SIPA1L3: variants seen among roughly 807,000 people sequenced by gnomAD.
SIPA1L3 encodes signal-induced proliferation-associated 1-like protein 3.
Under a neutral mutation model 150.1 loss-of-function variants are expected in SIPA1L3, and 59 were observed. The observed-to-expected ratio is 0.39, with a 90% CI of 0.32 to 0.49. SIPA1L3 has a LOEUF of 0.49. Among genes scored for constraint, SIPA1L3 ranks in the 20% least tolerant of loss-of-function variants. The pLI, the probability that SIPA1L3 is intolerant of heterozygous loss-of-function variation, is 0.86. For synonymous variants in SIPA1L3, 1,070 were observed against 1,077.6 expected (o/e 0.99, Z 0.14); for missense variants, 2,211 against 2,489.5 (o/e 0.89, Z 2.38).
intron 16 of SIPA1L3, chr19:38,185,831 C>CT (rs1972664778): frequency 6.6e-6 from 1 of 152,192 alleles, no homozygotes; most frequent in South Asian, 2.1e-4. Flanking sequence ...TGTAAAGACT[C>CT]TGTCTCCAAA....
At chr19:37,988,914 C>T (rs919445155) in intron 1 of SIPA1L3, among the ~76,000 whole-genome samples, 2 of 152,150 alleles carry the variant, frequency 1.3e-5, no homozygotes, top group African/African-American at 4.8e-5. Context: ...TCTGGCTGCT[C>T]CTGCGAAGCT....
intron 9 of SIPA1L3, among the ~76,000 whole-genome samples, chr19:38,121,157 T>TACAGTGAG (rs1299953778): frequency 6.6e-6 from 1 of 151,506 alleles, no homozygotes; most frequent in African/African-American, 2.4e-5. Context: ...GCCTGGGCAA[T>TACAGTGAG]ACAGTGAGAT....
intron 1 of SIPA1L3, among the ~76,000 whole-genome samples, chr19:38,018,642 TTTG>T (rs1241253457): frequency 6.6e-6 from 1 of 152,230 alleles, no homozygotes; most frequent in Non-Finnish European, 1.5e-5. Context: ...GGTACCACAT[TTTG>T]TTAATTCTTC....
At chr19:37,982,535 C>G (rs1967227742) in intron 1 of SIPA1L3, among the ~76,000 whole-genome samples, 2 of 152,150 alleles carry the variant, frequency 1.3e-5, no homozygotes, top group Admixed American at 1.3e-4. Flanking sequence ...AGTGTTAGGT[C>G]CATTACAGAC....
At position 38,204,148 on chromosome 19, in the gene SIPA1L3, G is replaced by C. The variant is rs770462202; in HGVS notation, c.5142G>C (p.Leu1714=). ...PTMSEEPPLD[L]TGKVYQLEVM... ...CCAGCGAGGAGCCACCCCTGGATCTGACAGGCAAGGTGTACCAGCTGGAGG... is the reference window on the plus strand; with the variant it reads ...CCAGCGAGGAGCCACCCCTGGATCTCACAGGCAAGGTGTACCAGCTGGAGG... The change falls in exon 21 of 22, where the codon CTG becomes CTC. Residue 1714 remains leucine, a synonymous_variant. Transcript: ENST00000222345. 1 of 1,559,864 alleles carries C rather than the reference G, an allele frequency of 6.4e-7. No homozygotes were observed. Among genetic ancestry groups the C allele is most frequent in the Non-Finnish European group, 8.7e-7 (1 of 1,151,000 alleles).
intron 10 of SIPA1L3, among the ~76,000 whole-genome samples, chr19:38,134,632 A>G (rs150270050): frequency 3.0e-3 from 450 of 148,650 alleles, no homozygotes; most frequent in African/African-American, 0.011. Context: ...ACTTGAACCC[A>G]GGAGGCAGAG....
intron 13 of SIPA1L3, among the ~76,000 whole-genome samples, chr19:38,155,931 A>G (rs1971939950): frequency 6.6e-6 from 1 of 152,114 alleles, no homozygotes; most frequent in South Asian, 2.1e-4. Context: ...AAATACAAAA[A>G]TTAACCAGGC....
chr19:37,927,432 G>A (rs1422571717), intron 1 of SIPA1L3, among the ~76,000 whole-genome samples: 2 of 152,120 alleles, frequency 1.3e-5, no homozygotes, highest in Non-Finnish European at 2.9e-5. Flanking sequence ...GATTACAGGC[G>A]TGAGCCACTG....
chr19:37,975,332 C>T (rs759363645), intron 1 of SIPA1L3, among the ~76,000 whole-genome samples: 1 of 152,042 alleles, frequency 6.6e-6, no homozygotes, highest in African/African-American at 2.4e-5. Flanking sequence ...CCGTGTAGGC[C>T]GAGCCTAGAG....
At chr19:37,959,817 CTT>C (rs34291572) in intron 1 of SIPA1L3, among the ~76,000 whole-genome samples, 24 of 128,780 alleles carry the variant, frequency 1.9e-4, no homozygotes, top group Admixed American at 4.7e-4. Flanking sequence ...AAAAAACTTT[CTT>C]TTTTTTTTTT....
chr19:38,000,766 GA>G (rs560812482), intron 1 of SIPA1L3, among the ~76,000 whole-genome samples: 1 of 147,532 alleles, frequency 6.8e-6, no homozygotes, highest in Non-Finnish European at 1.5e-5. Flanking sequence ...TACATGCTGG[GA>G]AAAAAAAGAC....
At chr19:38,083,668 C>T (rs982546055) in intron 3 of SIPA1L3, among the ~76,000 whole-genome samples, 11 of 152,164 alleles carry the variant, frequency 7.2e-5, no homozygotes, top group African/African-American at 2.4e-4. Flanking sequence ...ATTGCAGACA[C>T]TGTTCCCAGA....
chr19:37,936,209 C>T (rs2046598724), intron 1 of SIPA1L3, among the ~76,000 whole-genome samples: 1 of 152,164 alleles, frequency 6.6e-6, no homozygotes. Context: ...CCACTCCTTG[C>T]TGCAAGGACA....
intron 1 of SIPA1L3, among the ~76,000 whole-genome samples, chr19:37,988,541 T>C (rs1024033062): frequency 6.6e-6 from 1 of 151,972 alleles, no homozygotes; most frequent in Non-Finnish European, 1.5e-5. Flanking sequence ...CCAGACATGG[T>C]GGTGGGCACC....
chr19:38,161,365 T>C (rs1972082557), intron 13 of SIPA1L3, among the ~76,000 whole-genome samples: 1 of 146,840 alleles, frequency 6.8e-6, no homozygotes. Flanking sequence ...AAAAAAACTA[T>C]GTACATACAA....
intron 1 of SIPA1L3, among the ~76,000 whole-genome samples, chr19:37,924,444 G>T (rs1356337278): frequency 3.5e-5 from 5 of 142,216 alleles, no homozygotes; most frequent in African/African-American, 1.3e-4. Context: ...ATAAGTAGAA[G>T]GAGCACACTC....
At chr19:38,025,085 C>G (rs1311444361) in intron 1 of SIPA1L3, among the ~76,000 whole-genome samples, 1 of 152,210 alleles carries the variant, frequency 6.6e-6, no homozygotes, top group African/African-American at 2.4e-5. Context: ...GTCCCCCTGC[C>G]TTACCACCCA....
intron 2 of SIPA1L3, among the ~76,000 whole-genome samples, chr19:38,063,999 T>C (rs1969511828): frequency 6.6e-6 from 1 of 152,172 alleles, no homozygotes; most frequent in African/African-American, 2.4e-5. Flanking sequence ...TCACCTGCGC[T>C]TTCAGGCCCC....
At chr19:37,994,665 G>T (rs1458947413) in intron 1 of SIPA1L3, among the ~76,000 whole-genome samples, 1 of 152,204 alleles carries the variant, frequency 6.6e-6, no homozygotes, top group African/African-American at 2.4e-5. Flanking sequence ...TGTGAGAGCT[G>T]TGGAATGGCC....
Sources: allele counts gnomAD v4.1 joint callset (sites outside exome capture counted in the v4.1 genomes callset), GRCh38; gene constraint gnomAD v4.1.1; transcripts MANE v1.5; gene names NCBI Gene and HGNC (gene_info 2026-07-23, HGNC 2026-07-21).